The following RGS7 variants were observed in gnomAD, a reference collection of about 807,000 sequenced individuals.
The protein encoded by RGS7 is regulator of G protein signaling 7, also known as regulator of G-protein signaling 7.
A neutral mutation model predicts 81.1 loss-of-function variants in RGS7; 27 were observed. That is an observed-to-expected ratio of 0.33 (90% CI 0.25 to 0.46). The LOEUF is 0.46. RGS7 is among the 20% of genes least tolerant of loss of function. The probability of loss-of-function intolerance (pLI) is 1.00; values close to 1 mark genes in which losing one functional copy is unlikely to be tolerated. For missense variants in RGS7, 396 were observed against 607.4 expected (o/e 0.65, Z 3.66); for synonymous variants, 208 against 207.7 (o/e 1.00, Z -0.01).
intron 2 of RGS7, among the ~76,000 whole-genome samples, chr1:241,319,865 G>A (rs2081108395): frequency 6.6e-6 from 1 of 152,120 alleles, no homozygotes; most frequent in Admixed American, 6.6e-5. Context: ...GGCTGAGGCG[G>A]GCAGATCACG....
At chr1:241,257,198 G>A (rs2077095312) in intron 2 of RGS7, among the ~76,000 whole-genome samples, 1 of 152,054 alleles carries the variant, frequency 6.6e-6, no homozygotes, top group African/African-American at 2.4e-5. Flanking sequence ...CCGAGATCAA[G>A]GTGCCAGCAG....
At chr1:240,912,311 A>G (rs1671906185) in intron 6 of RGS7, among the ~76,000 whole-genome samples, 1 of 152,178 alleles carries the variant, frequency 6.6e-6, no homozygotes, top group Non-Finnish European at 1.5e-5. Context: ...AAAATGAGAC[A>G]AAAAGTACAA....
intron 9 of RGS7, among the ~76,000 whole-genome samples, chr1:240,834,771 A>G (rs1453263620): frequency 2.6e-5 from 4 of 152,134 alleles, no homozygotes; most frequent in Non-Finnish European, 5.9e-5. Context: ...TCGGCCTCCC[A>G]AAATGCTGAG....
chr1:241,302,602 A>C (rs2079838983), intron 2 of RGS7, among the ~76,000 whole-genome samples: 1 of 152,198 alleles, frequency 6.6e-6, no homozygotes, highest in South Asian at 2.1e-4. Flanking sequence ...GATAGGGAGC[A>C]CCTTGGGAAT....
intron 2 of RGS7, among the ~76,000 whole-genome samples, chr1:241,203,135 G>A (rs1055998783): frequency 6.6e-6 from 1 of 151,960 alleles, no homozygotes; most frequent in African/African-American, 2.4e-5. Flanking sequence ...TTTTCTCATT[G>A]AAACCCAGGC....
chr1:240,940,265 T>C (rs1335006832), intron 4 of RGS7, among the ~76,000 whole-genome samples: 1 of 152,204 alleles, frequency 6.6e-6, no homozygotes, highest in Non-Finnish European at 1.5e-5. Flanking sequence ...AGTATAGAAG[T>C]GTCTTGCTTT....
intron 9 of RGS7, among the ~76,000 whole-genome samples, chr1:240,867,331 T>C (rs1663495562): frequency 6.6e-6 from 1 of 152,226 alleles, no homozygotes. Context: ...TCTTGATTTG[T>C]CTTTCATGCT....
At chr1:240,934,418 G>A (rs1391860998) in intron 5 of RGS7, among the ~76,000 whole-genome samples, 2 of 152,210 alleles carry the variant, frequency 1.3e-5, no homozygotes, top group Non-Finnish European at 2.9e-5. Context: ...TGGAACCAAC[G>A]TAAAAACAGA....
At chr1:241,221,542 T>C (rs549791801) in intron 2 of RGS7, among the ~76,000 whole-genome samples, 14 of 152,366 alleles carry the variant, frequency 9.2e-5, no homozygotes, top group Non-Finnish European at 2.1e-4. Context: ...TAGTTACTTT[T>C]ATGTGTCAGC....
intron 10 of RGS7, among the ~76,000 whole-genome samples, chr1:240,820,893 G>A (rs1434833097): frequency 6.6e-6 from 1 of 152,154 alleles, no homozygotes; most frequent in Non-Finnish European, 1.5e-5. Flanking sequence ...AGTACAAGAA[G>A]CCTTTCTGTG....
intron 3 of RGS7, among the ~76,000 whole-genome samples, chr1:241,051,572 C>T (rs2061254349): frequency 6.6e-6 from 1 of 152,046 alleles, no homozygotes. Flanking sequence ...CCCAACCCAC[C>T]CCATCACTCC....
chr1:241,212,225 T>C (rs538880893), intron 2 of RGS7, among the ~76,000 whole-genome samples: 55 of 152,242 alleles, frequency 3.6e-4, no homozygotes, highest in Non-Finnish European at 2.8e-4. Context: ...GTGTATTCAC[T>C]TATGGTTTAT....
chr1:241,247,231 T>A (rs2148185354), intron 2 of RGS7, among the ~76,000 whole-genome samples: 1 of 152,284 alleles, frequency 6.6e-6, no homozygotes, highest in Admixed American at 6.5e-5. Flanking sequence ...TATCCTTGAA[T>A]CAAGCCTTTA....
chr1:241,319,355 G>T (rs2081075847), intron 2 of RGS7, among the ~76,000 whole-genome samples: 1 of 152,046 alleles, frequency 6.6e-6, no homozygotes, highest in African/African-American at 2.4e-5. Flanking sequence ...CAAGAATATA[G>T]ATTTTACTGT....
intron 3 of RGS7, among the ~76,000 whole-genome samples, chr1:241,086,151 C>T (rs781546728): frequency 6.6e-6 from 1 of 152,184 alleles, no homozygotes; most frequent in Admixed American, 6.5e-5. Flanking sequence ...GTGAATAAAT[C>T]CCTCTAAATT....
At chr1:241,335,820 G>A (rs1188193464) in intron 2 of RGS7, among the ~76,000 whole-genome samples, 1 of 152,000 alleles carries the variant, frequency 6.6e-6, no homozygotes, top group Non-Finnish European at 1.5e-5. Context: ...CTCCAACCAT[G>A]GCTAATTTCA....
At chr1:240,827,287 C>T (rs960359129) in intron 9 of RGS7, 115 bp from the exon 10 acceptor site, 4 of 823,694 alleles carry the variant, frequency 4.9e-6, no homozygotes, top group Non-Finnish European at 8.4e-6. Context: ...TGACACAAAT[C>T]AAGGGAGGTG....
At chr1:240,908,777 C>T (rs538846043) in intron 6 of RGS7, among the ~76,000 whole-genome samples, 2 of 152,182 alleles carry the variant, frequency 1.3e-5, no homozygotes, top group East Asian at 3.9e-4. Context: ...CTTGGTTTAC[C>T]CAAGGAATTG....
At chr1:241,001,119 T>A (rs1036954981) in intron 3 of RGS7, among the ~76,000 whole-genome samples, 2 of 152,206 alleles carry the variant, frequency 1.3e-5, no homozygotes, top group African/African-American at 4.8e-5. Context: ...TATCTGGATA[T>A]GTGTGTGTGT....
Sources: allele counts gnomAD v4.1 joint callset (sites outside exome capture counted in the v4.1 genomes callset), GRCh38; gene constraint gnomAD v4.1.1; transcripts MANE v1.5; gene names NCBI Gene and HGNC (gene_info 2026-07-23, HGNC 2026-07-21).